Variants in RARB observed in about 807,000 individuals in gnomAD.
The protein encoded by RARB is retinoic acid receptor beta.
RARB carries 17 observed loss-of-function variants against 51.9 expected under a neutral mutation model. The ratio of observed to expected loss-of-function variants is 0.33; its 90% CI spans 0.22 to 0.49. The LOEUF is 0.49. RARB is among the 20% of genes least tolerant of loss of function. RARB has a pLI of 0.99. For missense variants in RARB, 369 were observed against 550.8 expected, an observed-to-expected ratio of 0.67 and a Z score of 3.30; for synonymous variants, 215 against 195.4, an observed-to-expected ratio of 1.10 and a Z score of -0.84.
At chr3:25,306,639 T>C (rs1181710782) in intron 5 of RARB, among the ~76,000 whole-genome samples, 3 of 152,200 alleles carry the variant, frequency 2.0e-5, no homozygotes, top group African/African-American at 7.2e-5. Flanking sequence ...AGATTAAAAA[T>C]GCCAATACTA....
chr3:24,898,777 T>A (rs1408985864), intron 2 of RARB, among the ~76,000 whole-genome samples: 1 of 152,234 alleles, frequency 6.6e-6, no homozygotes, highest in Non-Finnish European at 1.5e-5. Flanking sequence ...TTTGCTCTAA[T>A]GTTTTTAGCA....
At chr3:25,555,631 G>A (rs999304821) in intron 3 of RARB, 6 of 152,256 alleles carry the variant, frequency 3.9e-5, no homozygotes, top group South Asian at 2.1e-4. Context: ...TTGACTGCAC[G>A]CAGCCTAGGA....
chr3:25,113,012 G>T (rs1336836393), intron 3 of RARB, among the ~76,000 whole-genome samples: 1 of 152,148 alleles, frequency 6.6e-6, no homozygotes, highest in Non-Finnish European at 1.5e-5. Context: ...CAGCATCATT[G>T]AGAGCCAGTT....
intron 5 of RARB, among the ~76,000 whole-genome samples, chr3:25,419,213 A>G (rs1209643478): frequency 6.6e-6 from 1 of 152,128 alleles, no homozygotes; most frequent in Non-Finnish European, 1.5e-5. Flanking sequence ...TTTCTTATGT[A>G]TACAGGGAGG....
At chr3:24,885,064 A>G (rs1703242462) in intron 2 of RARB, among the ~76,000 whole-genome samples, 1 of 152,046 alleles carries the variant, frequency 6.6e-6, no homozygotes. Context: ...CAGCTTGTCT[A>G]CCAGCTGGCC....
intron 2 of RARB, among the ~76,000 whole-genome samples, chr3:25,022,943 G>T (rs1697669035): frequency 6.6e-6 from 1 of 152,130 alleles, no homozygotes; most frequent in South Asian, 2.1e-4. Flanking sequence ...TTCATACTCG[G>T]AGCAACAGAA....
chr3:25,310,116 A>T (rs371270059), intron 5 of RARB, among the ~76,000 whole-genome samples: 31 of 152,294 alleles, frequency 2.0e-4, no homozygotes, highest in African/African-American at 7.2e-4. Flanking sequence ...TTCCAGGCCA[A>T]CCATTTGTCT....
At chr3:24,920,070 A>T (rs148485919) in intron 2 of RARB, among the ~76,000 whole-genome samples, 23 of 152,350 alleles carry the variant, frequency 1.5e-4, no homozygotes, top group South Asian at 6.2e-4. Context: ...ATTTAAGATT[A>T]TTTAAAAATA....
chr3:25,104,295 C>T lies in RARB; in HGVS notation c.-327-27866C>T, dbSNP rs1398992066. ...TTGATGGGAATATAACTTGGTAAAA[C>T]CACTTTGGAAATCTCTCACTATCTA... On this transcript the variant is annotated intron_variant, in intron 3 of 11. Coordinates refer to the RARB transcript ENST00000383772. Among the ~76,000 whole-genome samples, 4 of 152,206 alleles carry T rather than the reference C, an allele frequency of 2.6e-5. No homozygotes were observed. In the South Asian group the frequency reaches 6.2e-4, roughly 24 times the overall value.
At chr3:25,279,747 G>A (rs1345790112) in intron 5 of RARB, among the ~76,000 whole-genome samples, 2 of 152,234 alleles carry the variant, frequency 1.3e-5, no homozygotes, top group African/African-American at 4.8e-5. Flanking sequence ...GAGGACTAGT[G>A]ATATATTAGC....
At chr3:24,979,725 C>A (rs563263518) in intron 2 of RARB, among the ~76,000 whole-genome samples, 1 of 152,108 alleles carries the variant, frequency 6.6e-6, no homozygotes, top group Non-Finnish European at 1.5e-5. Context: ...GACTCTTTAT[C>A]CAGTTTGCCA....
chr3:25,563,341 G>A (rs1030956333), intron 3 of RARB, among the ~76,000 whole-genome samples: 1 of 152,154 alleles, frequency 6.6e-6, no homozygotes, highest in Non-Finnish European at 1.5e-5. Flanking sequence ...CCCTCAGCCT[G>A]GTCCAAAAGG....
intron 5 of RARB, among the ~76,000 whole-genome samples, chr3:25,286,351 G>C (rs929505112): frequency 1.3e-5 from 2 of 152,120 alleles, no homozygotes; most frequent in Non-Finnish European, 2.9e-5. Flanking sequence ...GCCTCCCAAA[G>C]TGCTGGGATT....
chr3:24,988,114 C>T (rs1402326414), intron 2 of RARB, among the ~76,000 whole-genome samples: 1 of 152,146 alleles, frequency 6.6e-6, no homozygotes, highest in South Asian at 2.1e-4. Context: ...TTAACTAAGA[C>T]ATTTGAAATG....
rs544008241 is a variant in RARB, at chr3:25,059,229, A to G, written c.-379-896A>G. Among the ~76,000 whole-genome samples the G allele has an allele frequency of 7.2e-5, 11 of 151,846 alleles. No homozygotes were observed. The East Asian group carries it at 2.1e-3, about 29-fold the overall frequency. On this transcript the variant is annotated intron_variant, in intron 2 of 11. Transcript: ENST00000383772. ...GTTGAGTTAACCTAAGCCACTATTT[A>G]TGTACATTCGTTTCCAGTTTTTCAT... is the stretch of plus-strand genomic sequence containing the variant.
At chr3:25,132,099 T>A (rs1172021207) in intron 3 of RARB, among the ~76,000 whole-genome samples, 1 of 151,846 alleles carries the variant, frequency 6.6e-6, no homozygotes, top group African/African-American at 2.4e-5. Context: ...TGTAAAAAAG[T>A]TTACAAGTGA....
rs561759941 is a variant in RARB at position 25,047,957 on chromosome 3, G to T, written c.-379-12168G>T. On this transcript the variant is annotated intron_variant, in intron 2 of 11. Coordinates refer to the RARB transcript ENST00000383772. ...TGGTTTCTCCTACACAGTTCTCATG[G>T]TAGTGAATAAGTCTCATGAGATCTG... Among the ~76,000 whole-genome samples, 58 of 152,280 alleles carry T rather than the reference G, an allele frequency of 3.8e-4. 1 individual carries two copies. The South Asian group carries it at 0.011, about 28-fold the overall frequency.
intron 5 of RARB, among the ~76,000 whole-genome samples, chr3:25,363,139 G>A (rs968581618): frequency 2.6e-5 from 4 of 152,096 alleles, no homozygotes; most frequent in African/African-American, 9.7e-5. Flanking sequence ...GGACATTATT[G>A]TCCAGGAAAG....
chr3:25,228,219 T>TG (rs1491069041), intron 5 of RARB, among the ~76,000 whole-genome samples: 5 of 23,524 alleles, frequency 2.1e-4, no homozygotes, highest in Admixed American at 1.6e-3. Context: ...CTTTGAGGGT[T>TG]TTTTTTTTTT....
Sources: gnomAD v4.1 joint callset for allele counts (sites outside exome capture counted in the v4.1 genomes callset) on GRCh38, gnomAD v4.1.1 for gene constraint, MANE v1.5 for transcripts, NCBI Gene and HGNC (gene_info 2026-07-23, HGNC 2026-07-21) for gene names.